TBC1D12: variants seen among roughly 807,000 people sequenced by gnomAD.
The protein encoded by TBC1D12 is TBC1 domain family member 12, also known as TBC1 domain family, member 12.
A neutral mutation model predicts 86.7 loss-of-function variants in TBC1D12; 56 were observed. The ratio of observed to expected loss-of-function variants is 0.65; its 90% CI spans 0.52 to 0.81. TBC1D12 has a LOEUF of 0.81. TBC1D12 is among the 30% of genes least tolerant of loss of function. TBC1D12 has a pLI of 0.00. For missense variants in TBC1D12, 1,023 were observed against 1,038.8 expected, an observed-to-expected ratio of 0.98 and a Z score of 0.21; for synonymous variants, 421 against 411.7, an observed-to-expected ratio of 1.02 and a Z score of -0.27.
intron 3 of TBC1D12, among the ~76,000 whole-genome samples, chr10:94,485,798 A>G (rs554823242): frequency 6.6e-6 from 1 of 151,920 alleles, no homozygotes; most frequent in African/African-American, 2.4e-5. Context: ...GTGACTTGCT[A>G]TTGGTCTGTT....
chr10:94,444,388 G>A (rs921387517), intron 2 of TBC1D12, among the ~76,000 whole-genome samples: 13 of 151,908 alleles, frequency 8.6e-5, no homozygotes, highest in African/African-American at 2.7e-4. Flanking sequence ...GAAAGGTTGG[G>A]AACCTCTGCT....
intron 2 of TBC1D12, among the ~76,000 whole-genome samples, chr10:94,465,824 A>G (rs1320564045): frequency 2.6e-5 from 4 of 151,430 alleles, no homozygotes; most frequent in Non-Finnish European, 5.9e-5. Context: ...ACATACACAT[A>G]TACGTATACG....
chr10:94,455,124 T>A (rs914924442), intron 2 of TBC1D12, among the ~76,000 whole-genome samples: 1 of 152,216 alleles, frequency 6.6e-6, no homozygotes, highest in Non-Finnish European at 1.5e-5. Flanking sequence ...TTCCAACATC[T>A]ATTGATGTTT....
chr10:94,495,819 G>A (rs985063334), intron 4 of TBC1D12, among the ~76,000 whole-genome samples: 1 of 151,912 alleles, frequency 6.6e-6, no homozygotes, highest in African/African-American at 2.4e-5. Context: ...AGTAGAGATT[G>A]TCGGCCAGAT....
chr10:94,474,492 C>A (rs1256321694), intron 2 of TBC1D12, among the ~76,000 whole-genome samples, 176 bp from the exon 3 acceptor site: 1 of 151,872 alleles, frequency 6.6e-6, no homozygotes, highest in African/African-American at 2.4e-5. Context: ...GCTCCCAGCT[C>A]CCCTCCACCT....
chr10:94,442,309 C>T (rs1157377261), intron 2 of TBC1D12, among the ~76,000 whole-genome samples: 1 of 151,830 alleles, frequency 6.6e-6, no homozygotes, highest in African/African-American at 2.4e-5. Flanking sequence ...CTTAGCTAAT[C>T]ACTCTCACCA....
chr10:94,490,342 C>A (rs919255401), intron 3 of TBC1D12, among the ~76,000 whole-genome samples: 1 of 151,988 alleles, frequency 6.6e-6, no homozygotes, highest in Non-Finnish European at 1.5e-5. Context: ...AAAATGGCAC[C>A]CATAGACTTG....
At position 94,531,410 on chromosome 10, in the gene TBC1D12, A is replaced by C; in HGVS notation, c.2209A>C (p.Ser737Arg). 1 of 1,614,130 alleles carries C rather than the reference A, an allele frequency of 6.2e-7. No individual in the cohort carries two copies. The highest frequency in any genetic ancestry group is 1.1e-5 in the South Asian group (1 of 91,076). The change falls in exon 12 of 13, where the codon AGT becomes CGT. Residue 737 changes from serine to arginine, a missense_variant. Around this residue, in one of 2 missense-constraint regions of TBC1D12, gnomAD observed 395 missense variants for 507.7 expected, o/e 0.78. Coordinates refer to ENST00000225235, the MANE Select transcript of TBC1D12 (RefSeq NM_015188.2). ...PEDITSEKLFSCIAAIQMQNS... is the reference protein window; with the variant it reads ...PEDITSEKLFRCIAAIQMQNS... The stretch of plus-strand genomic sequence containing the variant: ...AGATATCACATCGGAAAAGCTGTTC[A>C]GTTGTATTGCAGCCATTCAGATGCA...
At position 94,469,884 on chromosome 10, in the gene TBC1D12, C is replaced by G. The variant is rs114581607; in HGVS notation, c.1096-4784C>G. Among the ~76,000 whole-genome samples the G allele has an allele frequency of 3.5e-3, 527 of 152,302 alleles. 1 individual carries two copies. The highest frequency in any genetic ancestry group is 0.012 in the African/African-American group (503 of 41,560). On this transcript the variant is annotated intron_variant, in intron 2 of 12. Coordinates refer to ENST00000225235, the MANE Select transcript of TBC1D12 (RefSeq NM_015188.2). ...CTGCCCTGATGTTCAGTATTGCCTC[C>G]AGGCATAACAGTTGAGTGATCCTCA...
Position 94,526,942 on chromosome 10 carries a change from A to T in TBC1D12, c.2001-4260A>T, listed in dbSNP as rs561106921. ...TAGCTATCCTAACTGGGGTAAGAGG[A>T]TACCTCATTATGCTTTTGATTTGCA... On this transcript the variant is annotated intron_variant, in intron 11 of 12. Coordinates refer to ENST00000225235, the MANE Select transcript of TBC1D12 (RefSeq NM_015188.2). 2.6e-5 allele frequency among the ~76,000 whole-genome samples: 4 copies of T among 152,252 alleles called. No homozygotes were observed. In the South Asian group the frequency reaches 8.3e-4, roughly 32 times the overall value.
chr10:94,451,757 A>G (rs10882460), intron 2 of TBC1D12, among the ~76,000 whole-genome samples: 73,557 of 151,748 alleles, frequency 0.48, 18,361 homozygotes, highest in East Asian at 0.79. Context: ...TGAGTACTGG[A>G]TGTGAAAACA....
rs1304227541 is a variant in TBC1D12 at position 94,510,087 on chromosome 10, G to A, written c.1601-4G>A. The A allele has an allele frequency of 6.2e-7, 1 of 1,603,386 alleles. No individual in the cohort carries two copies. Among genetic ancestry groups the A allele is most frequent in the Non-Finnish European group, 8.5e-7 (1 of 1,175,924 alleles). ...TTTAAATTGTATCTGCTTGGTAAAT[G>A]CAGGTGTATCTGTTGCTGATCGAGA... On this transcript the variant is annotated splice_region_variant and splice_polypyrimidine_tract_variant and intron_variant, in intron 7 of 12. Coordinates refer to ENST00000225235, the MANE Select transcript of TBC1D12 (RefSeq NM_015188.2).
At position 94,421,551 on chromosome 10, in the gene TBC1D12, C is replaced by T. The variant is rs188044971; in HGVS notation, c.971+17967C>T. 2.0e-3 allele frequency among the ~76,000 whole-genome samples: 299 copies of T among 152,040 alleles called. 5 individuals carry two copies. The highest frequency in any genetic ancestry group is 0.018 in the Admixed American group (277 of 15,272). The stretch of plus-strand genomic sequence containing the variant: ...TTTTTAATTCTTTTGGATATTATGC[C>T]CATTAGTGAAATTGTTGGGTTATAG... On this transcript the variant is annotated intron_variant, in intron 1 of 12. Coordinates refer to ENST00000225235, the MANE Select transcript of TBC1D12 (RefSeq NM_015188.2).
At chr10:94,470,208 C>T (rs1264554595) in intron 2 of TBC1D12, among the ~76,000 whole-genome samples, 5 of 152,016 alleles carry the variant, frequency 3.3e-5, no homozygotes. Flanking sequence ...AAACAGAATC[C>T]AAAGTTAACT....
intron 9 of TBC1D12, among the ~76,000 whole-genome samples, chr10:94,519,083 A>G (rs966297649): frequency 6.6e-6 from 1 of 152,256 alleles, no homozygotes; most frequent in Non-Finnish European, 1.5e-5. Context: ...CTCCAAAAAA[A>G]TTAATTAAGT....
rs2098921622 is a variant in TBC1D12, at chr10:94,536,073, A to G, written c.*2977A>G. Reference sequence around the variant, plus strand: ...CTAAGCCTTCAGTCTTTTTAGACTGACAGTACTGGCAGCTAAAATATTGTA... The same window carrying G: ...CTAAGCCTTCAGTCTTTTTAGACTGGCAGTACTGGCAGCTAAAATATTGTA... On this transcript the variant is annotated 3_prime_UTR_variant, in exon 13 of 13. Transcript: ENST00000225235. 1 of 152,138 alleles carries G rather than the reference A, an allele frequency of 6.6e-6. No individual in the cohort carries two copies. Among genetic ancestry groups the G allele is most frequent in the African/African-American group, 2.4e-5 (1 of 41,440 alleles). 9.4% of individuals were successfully genotyped at this position (152,138 alleles called of 1,614,324 possible). A position where few individuals can be genotyped will look rare whatever the true frequency, so the allele number is the denominator to read the frequency against.
chr10:94,458,030 T>C (rs772578423), intron 2 of TBC1D12, among the ~76,000 whole-genome samples: 9 of 152,172 alleles, frequency 5.9e-5, no homozygotes, highest in East Asian at 1.9e-4. Flanking sequence ...GAACACATTA[T>C]TGATGTTATT....
intron 12 of TBC1D12, among the ~76,000 whole-genome samples, chr10:94,531,751 TA>T (rs1470532395): frequency 7.5e-6 from 1 of 133,290 alleles, no homozygotes; most frequent in Non-Finnish European, 1.6e-5. Flanking sequence ...TATTTTATGT[TA>T]TTTTATTTTA....
chr10:94,511,586 G>A lies in TBC1D12; in HGVS notation c.1693G>A (p.Gly565Ser). 1 of 1,606,134 alleles carries A rather than the reference G, an allele frequency of 6.2e-7. No homozygotes were observed. The highest frequency in any genetic ancestry group is 1.1e-5 in the South Asian group (1 of 90,762). The change falls in exon 9 of 13, where the codon GGT becomes AGT. Residue 565 changes from glycine to serine, a missense_variant. Coordinates refer to ENST00000225235, the MANE Select transcript of TBC1D12 (RefSeq NM_015188.2). ...FPSLYIFQKG[G>S]PYHDVLHSIL... ...AATTTCATTTTTCTCTCCTAAGGGT[G>A]GTCCATATCATGATGTCTTGCATAG...
Sources: gnomAD v4.1 joint callset for allele counts (sites outside exome capture counted in the v4.1 genomes callset) on GRCh38, gnomAD v4.1.1 for gene constraint, gnomAD v4.1.1 regional missense constraint, MANE v1.5 for transcripts, NCBI Gene and HGNC (gene_info 2026-07-23, HGNC 2026-07-21) for gene names.